Variants in DIDO1 observed in about 807,000 individuals in gnomAD.
DIDO1 encodes death inducer-obliterator 1.
A neutral mutation model predicts 99.4 loss-of-function variants in DIDO1; 16 were observed. That is an observed-to-expected ratio of 0.16 (90% CI 0.11 to 0.24). The LOEUF (loss-of-function observed/expected upper bound fraction) is 0.24, where lower values mean the gene tolerates loss of function less well. Ranked by LOEUF, DIDO1 falls within the 10% of genes least tolerant of loss-of-function variation. The probability of loss-of-function intolerance (pLI) is 1.00; values close to 1 mark genes in which losing one functional copy is unlikely to be tolerated. For synonymous variants in DIDO1, 1,366 were observed against 1,239.1 expected (o/e 1.10, Z -2.15); for missense variants, 2,996 against 3,014.0 (o/e 0.99, Z 0.14).
At chr20:62,934,653 C>T (rs767632038) in intron 1 of DIDO1, among the ~76,000 whole-genome samples, 5 of 152,190 alleles carry the variant, frequency 3.3e-5, no homozygotes, top group Non-Finnish European at 5.9e-5. Context: ...CAACATACTA[C>T]GCTGTCTTCA....
chr20:62,882,271 G>T lies in DIDO1; in HGVS notation c.3685C>A (p.Pro1229Thr). The change falls in exon 16 of 16, where the codon CCA becomes ACA. Residue 1229 changes from proline to threonine, a missense_variant. By Grantham distance (38) the Pro-to-Thr change is conservative. Around this residue, in one of 5 missense-constraint regions of DIDO1, gnomAD observed 1,562 missense variants for 1,412.6 expected, o/e 1.11. Transcript: ENST00000395343. ...GACTGCGGGACTGTGGCTACTTTTGGATAGGCCGGAACGTCCGCTTCTTCC... is the reference window on the plus strand; with the variant it reads ...GACTGCGGGACTGTGGCTACTTTTGTATAGGCCGGAACGTCCGCTTCTTCC... The part of the protein sequence containing the change: ...QPEEADVPAY[P>T]KVATVPQSEK... The T allele has an allele frequency of 6.2e-7, 1 of 1,614,006 alleles. No individual in the cohort carries two copies. The highest frequency in any genetic ancestry group is 8.5e-7 in the Non-Finnish European group (1 of 1,180,036).
intron 1 of DIDO1, among the ~76,000 whole-genome samples, chr20:62,925,853 AG>A (rs2065241874): frequency 6.6e-6 from 1 of 152,134 alleles, no homozygotes; most frequent in Admixed American, 6.5e-5. Context: ...CAGCGCGGGG[AG>A]GTAAGGACAC....
chr20:62,897,821 G>A (rs558886427), intron 6 of DIDO1, among the ~76,000 whole-genome samples: 64 of 152,332 alleles, frequency 4.2e-4, no homozygotes, highest in African/African-American at 1.5e-3. Context: ...CGGCGTGCCA[G>A]GGGACAGATG....
intron 1 of DIDO1, among the ~76,000 whole-genome samples, chr20:62,932,851 C>T (rs150755342): frequency 1.7e-3 from 265 of 152,326 alleles, no homozygotes; most frequent in Middle Eastern, 0.017. Context: ...GGGAAGGTCA[C>T]CTATATCAAA....
In DIDO1 at chr20:62,911,935, T is replaced by C. The variant is rs1204229808; in HGVS notation, c.-2-321A>G. 6.6e-6 allele frequency among the ~76,000 whole-genome samples: 1 copy of C among 151,654 alleles called. No homozygotes were observed. Among genetic ancestry groups the C allele is most frequent in the East Asian group, 1.9e-4 (1 of 5,202 alleles). The stretch of plus-strand genomic sequence containing the variant: ...GGGACAAATAGGAAATATTGGACAG[T>C]ATAGCAGGGTAAGGATGTGAGTAAG... On this transcript the variant is annotated intron_variant, in intron 2 of 15. Coordinates refer to ENST00000395343, the MANE Select transcript of DIDO1 (RefSeq NM_001193369.2). This position sits in a 1 kb window ranked among gnomAD's most constrained non-coding sequence, Gnocchi z 7.0.
rs368867407 is a variant in DIDO1 at position 62,922,243 on chromosome 20, TAC to T, written c.-200+4194_-200+4195del. On this transcript the variant is annotated intron_variant, in intron 1 of 15. Coordinates refer to ENST00000395343, the MANE Select transcript of DIDO1 (RefSeq NM_001193369.2). ...ATACACACACACACATATATATATA[TAC>T]ACACACACACATATATATACACACA... is the stretch of plus-strand genomic sequence containing the variant. Among the ~76,000 whole-genome samples, 308 of 114,380 alleles carry T rather than the reference TAC, an allele frequency of 2.7e-3. 1 individual carries two copies. Among genetic ancestry groups the T allele is most frequent in the African/African-American group, 8.5e-3 (281 of 33,110 alleles). 75.0% of individuals were successfully genotyped at this position (114,380 alleles called of 152,430 possible). A position where few individuals can be genotyped will look rare whatever the true frequency, so the allele number is the denominator to read the frequency against.
chr20:62,912,429 CT>C (rs200953791), intron 2 of DIDO1, among the ~76,000 whole-genome samples: 44,321 of 143,272 alleles, frequency 0.31, 6,797 homozygotes, highest in Middle Eastern at 0.44. Context: ...AGGTATATTT[CT>C]TTTTTTTTTT....
intron 1 of DIDO1, among the ~76,000 whole-genome samples, chr20:62,916,378 G>A (rs1394632584): frequency 6.6e-6 from 1 of 152,162 alleles, no homozygotes; most frequent in African/African-American, 2.4e-5. Flanking sequence ...CTGATGAGCG[G>A]CGATTCAAGC....
chr20:62,921,379 T>C (rs946969017), intron 1 of DIDO1, among the ~76,000 whole-genome samples: 15 of 152,220 alleles, frequency 9.9e-5, no homozygotes, highest in Non-Finnish European at 1.8e-4. Context: ...CTTCCACTGC[T>C]GGAGCCTGAA....
Position 62,893,991 on chromosome 20 carries a change from T to C in DIDO1, c.2776A>G (p.Arg926Gly), listed in dbSNP as rs780357276. Residue 926 changes from arginine to glycine, a missense_variant, in exon 12 of 16, where the codon AGA becomes GGA. Arg to Gly is a moderately radical substitution (Grantham distance 125, BLOSUM62 -2). Transcript: ENST00000395343. ...CCTGGAGGCCCAGGGAAATACGTTCTGTCCACATTTGGATGAGAAGCACTT... is the reference window on the plus strand; with the variant it reads ...CCTGGAGGCCCAGGGAAATACGTTCCGTCCACATTTGGATGAGAAGCACTT... Reference protein sequence around the residue: ...LESASHPNVDRTYFPGPPGDG... With the variant: ...LESASHPNVDGTYFPGPPGDG... 7 of 1,614,118 alleles carry C rather than the reference T, an allele frequency of 4.3e-6. No homozygotes were observed. The highest frequency in any genetic ancestry group is 1.1e-5 in the South Asian group (1 of 91,090).
chr20:62,928,681 A>C (rs2065292450), upstream of DIDO1: 1 of 152,268 alleles, frequency 6.6e-6, no homozygotes, highest in African/African-American at 2.4e-5. Context: ...CAAACTCTTC[A>C]GTTGTTTCAA....
chr20:62,882,258 G>T lies in DIDO1; in HGVS notation c.3698C>A (p.Thr1233Lys). 5 of 1,614,048 alleles carry T rather than the reference G, an allele frequency of 3.1e-6. No homozygotes were observed. Among genetic ancestry groups the T allele is most frequent in the Non-Finnish European group, 4.2e-6 (5 of 1,180,040 alleles). Residue 1233 changes from threonine to lysine, a missense_variant, in exon 16 of 16, where the codon ACA (threonine) becomes AAA (lysine). By Grantham distance (78) the Thr-to-Lys change is moderately conservative. Transcript: ENST00000395343. ...GGGCTTCTTTTCCGACTGCGGGACT[G>T]TGGCTACTTTTGGATAGGCCGGAAC... ...ADVPAYPKVATVPQSEKKPSK... is the reference protein window; with the variant it reads ...ADVPAYPKVAKVPQSEKKPSK...
intron 1 of DIDO1, 90 bp from the exon 2 acceptor site, chr20:62,914,496 C>G (rs745447344): frequency 3.3e-5 from 5 of 152,334 alleles, no homozygotes; most frequent in African/African-American, 1.2e-4. Flanking sequence ...CTCAAGTAAC[C>G]TATTATTTGA....
At chr20:62,888,201 C>G (rs1300694204) in intron 15 of DIDO1, 1 of 985,508 alleles carries the variant, frequency 1.0e-6, no homozygotes, top group East Asian at 1.1e-4. Flanking sequence ...GCTGTCAAAA[C>G]CCACTAGGTC....
chr20:62,892,744 T>C, intron 13 of DIDO1, 65 bp downstream of exon 13: 1 of 1,538,258 alleles, frequency 6.5e-7, no homozygotes, highest in Admixed American at 1.9e-5. Flanking sequence ...AGTCATGTGT[T>C]TGACTCTAGT....
At position 62,910,803 on chromosome 20, in the gene DIDO1, A is replaced by G. The variant is rs1287505625; in HGVS notation, c.810T>C (p.Tyr270=). 1.2e-6 allele frequency: 2 copies of G among 1,614,000 alleles called. No homozygotes were observed. Among genetic ancestry groups the G allele is most frequent in the East Asian group, 2.2e-5 (1 of 44,884 alleles). The change falls in exon 3 of 16, where the codon TAT becomes TAC. Residue 270 remains tyrosine, a synonymous_variant. Transcript: ENST00000395343. ...ECEGYDPNAL[Y]CICRQPHNNR... is the part of the protein sequence containing the mutation. The stretch of plus-strand genomic sequence containing the variant: ...TGTTGTGAGGCTGGCGGCAAATGCA[A>G]TACAGGGCGTTGGGGTCGTAACCCT...
At chr20:62,917,408 TC>T (rs1187324759) in intron 1 of DIDO1, among the ~76,000 whole-genome samples, 1 of 152,218 alleles carries the variant, frequency 6.6e-6, no homozygotes, top group African/African-American at 2.4e-5. Context: ...ATACAAGTTT[TC>T]TAAAATTCCA....
At chr20:62,931,959 A>G (rs144583594) in intron 1 of DIDO1, among the ~76,000 whole-genome samples, 1 of 152,226 alleles carries the variant, frequency 6.6e-6, no homozygotes, top group Non-Finnish European at 1.5e-5. Flanking sequence ...TAAAACTGAG[A>G]AAGAGTGTGT....
intron 15 of DIDO1, among the ~76,000 whole-genome samples, chr20:62,883,024 GA>G (rs1465156501): frequency 4.0e-5 from 6 of 148,864 alleles, no homozygotes; most frequent in Admixed American, 1.4e-4. Context: ...CCAGGTTCAG[GA>G]GAATTCTCCT....
Sources: gnomAD v4.1 joint callset for allele counts (sites outside exome capture counted in the v4.1 genomes callset) on GRCh38, gnomAD v4.1.1 for gene constraint, gnomAD v4.1.1 regional missense constraint, Gnocchi (gnomAD v3.1) non-coding constraint, MANE v1.5 for transcripts, NCBI Gene and HGNC (gene_info 2026-07-23, HGNC 2026-07-21) for gene names.